Variants in MIPOL1 observed in about 807,000 individuals in gnomAD.
The protein encoded by MIPOL1 is mirror-image polydactyly gene 1 protein.
In MIPOL1, 57 loss-of-function variants were observed where a neutral mutation model predicts 60.9. That is an observed-to-expected ratio of 0.94 (90% CI 0.76 to 1.17). MIPOL1 has a LOEUF of 1.17. Ranked by LOEUF, MIPOL1 falls within the 50% of genes most tolerant of loss-of-function variation. The pLI, the probability that MIPOL1 is intolerant of heterozygous loss-of-function variation, is 0.00. For missense variants in MIPOL1, 551 were observed against 511.6 expected, an observed-to-expected ratio of 1.08 and a Z score of -0.74; for synonymous variants, 179 against 168.8, an observed-to-expected ratio of 1.06 and a Z score of -0.47.
At chr14:37,499,627 G>A (rs1594747904) in intron 11 of MIPOL1, among the ~76,000 whole-genome samples, 1 of 152,082 alleles carries the variant, frequency 6.6e-6, no homozygotes, top group Non-Finnish European at 1.5e-5. Context: ...TCCTTTTAAA[G>A]AAAATTGAAT....
intron 1 of MIPOL1, among the ~76,000 whole-genome samples, chr14:37,226,959 G>A (rs1187331070): frequency 6.6e-6 from 1 of 152,146 alleles, no homozygotes; most frequent in Non-Finnish European, 1.5e-5. Flanking sequence ...TCTTGACTGT[G>A]ATGCTGCCTC....
At chr14:37,248,556 T>C (rs1973560805) in intron 3 of MIPOL1, among the ~76,000 whole-genome samples, 1 of 151,722 alleles carries the variant, frequency 6.6e-6, no homozygotes, top group Non-Finnish European at 1.5e-5. Flanking sequence ...AAGAGACACA[T>C]ATAGTGAAAG....
chr14:37,535,130 C>T (rs1032524973), intron 12 of MIPOL1, among the ~76,000 whole-genome samples: 3 of 151,942 alleles, frequency 2.0e-5, no homozygotes, highest in African/African-American at 4.8e-5. Flanking sequence ...TTATATCCAA[C>T]GTTTATGTTT....
chr14:37,424,327 G>A (rs1340837203), intron 11 of MIPOL1, among the ~76,000 whole-genome samples: 1 of 152,140 alleles, frequency 6.6e-6, no homozygotes, highest in Non-Finnish European at 1.5e-5. Flanking sequence ...TACTAGTGGT[G>A]TCCCCATAAA....
intron 1 of MIPOL1, among the ~76,000 whole-genome samples, chr14:37,228,477 C>A (rs146145730): frequency 0.015 from 2,326 of 151,934 alleles, 28 homozygotes; most frequent in Middle Eastern, 0.027. Flanking sequence ...CTTACCTTAC[C>A]TAAAAAACCG....
intron 7 of MIPOL1, among the ~76,000 whole-genome samples, chr14:37,300,126 G>A (rs973357114): frequency 2.6e-5 from 4 of 151,284 alleles, no homozygotes; most frequent in African/African-American, 9.7e-5. Flanking sequence ...GCCAAGATAT[G>A]GTTTGCTAAG....
chr14:37,356,982 G>A (rs1019852220), intron 9 of MIPOL1, among the ~76,000 whole-genome samples: 1 of 152,146 alleles, frequency 6.6e-6, no homozygotes, highest in African/African-American at 2.4e-5. Flanking sequence ...GTGTATACAT[G>A]TGCCACATTT....
chr14:37,220,685 G>A (rs886761679), intron 1 of MIPOL1, among the ~76,000 whole-genome samples: 1 of 152,114 alleles, frequency 6.6e-6, no homozygotes, highest in African/African-American at 2.4e-5. Flanking sequence ...CTGGTTTTAG[G>A]ATTTCAGCAT....
intron 10 of MIPOL1, among the ~76,000 whole-genome samples, chr14:37,383,990 A>G (rs2092997784): frequency 6.6e-6 from 1 of 151,920 alleles, no homozygotes; most frequent in Non-Finnish European, 1.5e-5. Context: ...TTTGTGTACT[A>G]TTAGATGGTA....
chr14:37,326,028 G>C lies in MIPOL1; in HGVS notation c.828+17509G>C, dbSNP rs577197701. Reference sequence around the variant, plus strand: ...GAGATAGGAAGCAAATATTTTGCTAGTGGATCACGAGGGGTAAAAGTGAAT... The same window carrying C: ...GAGATAGGAAGCAAATATTTTGCTACTGGATCACGAGGGGTAAAAGTGAAT... On this transcript the variant is annotated intron_variant, in intron 9 of 12. Transcript: ENST00000684589. Among the ~76,000 whole-genome samples the C allele has an allele frequency of 2.6e-5, 4 of 152,318 alleles. No individual in the cohort carries two copies. In the East Asian group the frequency reaches 7.7e-4, roughly 29 times the overall value.
chr14:37,393,638 A>G (rs1308076922), intron 10 of MIPOL1, among the ~76,000 whole-genome samples: 1 of 151,744 alleles, frequency 6.6e-6, no homozygotes, highest in Non-Finnish European at 1.5e-5. Context: ...TTTTTGTCCT[A>G]TCCTTTGAAA....
intron 7 of MIPOL1, among the ~76,000 whole-genome samples, chr14:37,304,313 T>G (rs1328818639): frequency 6.6e-6 from 1 of 151,738 alleles, no homozygotes; most frequent in Non-Finnish European, 1.5e-5. Context: ...CTTTACCCCT[T>G]GGCTTTAATG....
chr14:37,286,093 T>G (rs1003415800), intron 7 of MIPOL1, among the ~76,000 whole-genome samples: 2 of 152,254 alleles, frequency 1.3e-5, no homozygotes, highest in African/African-American at 2.4e-5. Flanking sequence ...AAAATTCATT[T>G]CAGCTATCTG....
At chr14:37,250,232 A>G (rs576350711) in intron 3 of MIPOL1, among the ~76,000 whole-genome samples, 55 of 152,290 alleles carry the variant, frequency 3.6e-4, no homozygotes, top group Admixed American at 5.2e-4. Context: ...ATTCCCTTTT[A>G]TAAGGATCCA....
intron 1 of MIPOL1, among the ~76,000 whole-genome samples, chr14:37,209,230 T>G (rs1240659586): frequency 6.6e-6 from 1 of 152,214 alleles, no homozygotes; most frequent in African/African-American, 2.4e-5. Flanking sequence ...GATTAATCTG[T>G]GCATAGATTT....
intron 7 of MIPOL1, among the ~76,000 whole-genome samples, chr14:37,302,396 T>C (rs1415011657): frequency 6.6e-6 from 1 of 151,330 alleles, no homozygotes; most frequent in Non-Finnish European, 1.5e-5. Flanking sequence ...TTATTTTTCA[T>C]CTGCATATCT....
intron 3 of MIPOL1, among the ~76,000 whole-genome samples, chr14:37,262,934 A>G (rs1156291231): frequency 6.6e-6 from 1 of 152,182 alleles, no homozygotes; most frequent in Non-Finnish European, 1.5e-5. Context: ...GGCAGAACAG[A>G]ATTTCCCAGC....
chr14:37,422,270 G>C (rs536676093), intron 10 of MIPOL1, among the ~76,000 whole-genome samples: 4 of 151,776 alleles, frequency 2.6e-5, no homozygotes, highest in Admixed American at 6.6e-5. Flanking sequence ...TAGCATTTAC[G>C]GTTGCTGCCG....
chr14:37,315,052 G>A (rs941583443), intron 9 of MIPOL1, among the ~76,000 whole-genome samples: 2 of 152,142 alleles, frequency 1.3e-5, no homozygotes, highest in African/African-American at 4.8e-5. Context: ...AGGTAGTGGT[G>A]TGATGAAAAT....
Sources: gnomAD v4.1 joint callset for allele counts (sites outside exome capture counted in the v4.1 genomes callset) on GRCh38, gnomAD v4.1.1 for gene constraint, MANE v1.5 for transcripts, NCBI Gene and HGNC (gene_info 2026-07-23, HGNC 2026-07-21) for gene names.